The following MTUS1 variants were observed in gnomAD, a reference collection of about 807,000 sequenced individuals.
MTUS1 encodes the protein microtubule associated scaffold protein 1, also known as microtubule-associated tumor suppressor 1.
Under a neutral mutation model 120.8 loss-of-function variants are expected in MTUS1, and 109 were observed. The observed-to-expected ratio is 0.90, with a 90% CI of 0.77 to 1.06. The LOEUF (loss-of-function observed/expected upper bound fraction) is 1.06, where lower values mean the gene tolerates loss of function less well. Among genes scored for constraint, MTUS1 ranks in the 50% least tolerant of loss-of-function variants. The pLI, the probability that MTUS1 is intolerant of heterozygous loss-of-function variation, is 0.00. For synonymous variants in MTUS1, 737 were observed against 550.5 expected (o/e 1.34, Z -4.74); for missense variants, 2,210 against 1,486.3 (o/e 1.49, Z -8.01).
At chr8:17,762,054 C>T (rs988960811) in intron 1 of MTUS1, among the ~76,000 whole-genome samples, 3 of 152,034 alleles carry the variant, frequency 2.0e-5, no homozygotes, top group African/African-American at 2.4e-5. Flanking sequence ...CCGAGGTGGG[C>T]GGATCACTTG....
intron 3 of MTUS1, among the ~76,000 whole-genome samples, chr8:17,734,781 A>G (rs1195333269): frequency 1.3e-5 from 2 of 152,228 alleles, no homozygotes; most frequent in Non-Finnish European, 2.9e-5. Context: ...ACCTATGCTA[A>G]TAATGCCTGA....
chr8:17,789,828 T>C (rs1438628339), intron 1 of MTUS1, among the ~76,000 whole-genome samples: 2 of 152,166 alleles, frequency 1.3e-5, no homozygotes, highest in Non-Finnish European at 2.9e-5. Flanking sequence ...TATATATTCC[T>C]TAGAAGACAA....
chr8:17,713,166 C>G (rs767083875), intron 6 of MTUS1, 48 bp downstream of exon 6: 3 of 1,428,312 alleles, frequency 2.1e-6, no homozygotes, highest in Admixed American at 1.8e-5. Flanking sequence ...AGTAACATAA[C>G]TTTACAAAAA....
chr8:17,651,017 A>C (rs750352239), intron 12 of MTUS1, among the ~76,000 whole-genome samples: 11 of 152,210 alleles, frequency 7.2e-5, no homozygotes, highest in Non-Finnish European at 1.3e-4. Flanking sequence ...ACTTAATCCA[A>C]ACCCCTTACT....
intron 3 of MTUS1, among the ~76,000 whole-genome samples, chr8:17,735,615 C>G (rs1305477211): frequency 6.6e-6 from 1 of 152,238 alleles, no homozygotes; most frequent in African/African-American, 2.4e-5. Context: ...GCCTCCTCTG[C>G]TGGCAAGCTC....
intron 1 of MTUS1, among the ~76,000 whole-genome samples, chr8:17,760,158 G>A (rs1311603740): frequency 1.3e-5 from 2 of 151,090 alleles, no homozygotes; most frequent in African/African-American, 4.9e-5. Flanking sequence ...CACAGCTGCA[G>A]TAAGCTATGA....
At chr8:17,760,949 G>T (rs1286900576) in intron 1 of MTUS1, among the ~76,000 whole-genome samples, 1 of 151,970 alleles carries the variant, frequency 6.6e-6, no homozygotes, top group East Asian at 1.9e-4. Context: ...TAACACTTGT[G>T]TAACACTCCA....
At chr8:17,726,106 C>T (rs1485054664) in intron 3 of MTUS1, among the ~76,000 whole-genome samples, 2 of 152,106 alleles carry the variant, frequency 1.3e-5, no homozygotes, top group African/African-American at 2.4e-5. Context: ...TCCTTTCTAT[C>T]CCCTCCCCTA....
intron 6 of MTUS1, among the ~76,000 whole-genome samples, chr8:17,690,939 A>G (rs1816821567): frequency 6.6e-6 from 1 of 152,218 alleles, no homozygotes; most frequent in South Asian, 2.1e-4. Flanking sequence ...TGCATATACT[A>G]TTAATAAAAT....
intron 1 of MTUS1, among the ~76,000 whole-genome samples, chr8:17,792,398 A>G (rs931233394): frequency 1.3e-5 from 2 of 152,364 alleles, no homozygotes; most frequent in Non-Finnish European, 2.9e-5. Flanking sequence ...TGTAACCAGA[A>G]CTTTCCAACA....
At chr8:17,775,982 A>C (rs929325299) in intron 1 of MTUS1, among the ~76,000 whole-genome samples, 4 of 152,194 alleles carry the variant, frequency 2.6e-5, no homozygotes, top group African/African-American at 9.7e-5. Flanking sequence ...AGAATGACAC[A>C]ACTACCTCTT....
intron 1 of MTUS1, among the ~76,000 whole-genome samples, chr8:17,769,059 T>C (rs927590870): frequency 1.3e-5 from 2 of 151,990 alleles, no homozygotes; most frequent in Admixed American, 6.6e-5. Flanking sequence ...AGCCTCTGCT[T>C]GGGGGTGGAG....
At chr8:17,768,925 TTTTG>T (rs1175612045) in intron 1 of MTUS1, among the ~76,000 whole-genome samples, 1 of 152,118 alleles carries the variant, frequency 6.6e-6, no homozygotes, top group African/African-American at 2.4e-5. Flanking sequence ...TTCGGGGGAT[TTTTG>T]TTTTTGTTTT....
intron 7 of MTUS1, among the ~76,000 whole-genome samples, chr8:17,680,596 G>C (rs1814232322): frequency 6.6e-6 from 1 of 151,800 alleles, no homozygotes. Context: ...AATTGTCTGG[G>C]AAATTCACTA....
chr8:17,652,890 A>AT (rs147719813), intron 12 of MTUS1, among the ~76,000 whole-genome samples: 6,118 of 149,620 alleles, frequency 0.041, 384 homozygotes, highest in African/African-American at 0.14. Flanking sequence ...CAATACAGTG[A>AT]TTTTTTTTTT....
At chr8:17,748,196 T>C (rs2047916195) in intron 2 of MTUS1, 2 of 152,216 alleles carry the variant, frequency 1.3e-5, no homozygotes, top group Non-Finnish European at 2.9e-5. Flanking sequence ...TGGTTAGTAC[T>C]TGGATGGCAG....
In MTUS1 at chr8:17,715,892, G is replaced by T. The variant is rs145424049; in HGVS notation, c.2459C>A (p.Ala820Asp). 2.3e-4 allele frequency: 372 copies of T among 1,610,692 alleles called. 1 individual carries two copies. The African/African-American group carries it at 4.3e-3, about 19-fold the overall frequency. The change falls in exon 5 of 15, where the codon GCC becomes GAC. Residue 820 changes from alanine to aspartate, a missense_variant. Physicochemically the swap from Ala to Asp is moderately radical, Grantham distance 126. Transcript: ENST00000693296. ...LSTYSNNSGN[A>D]AVIKYEEKPP... ...TTTCTCCTCATATTTGATGACAGCGGCATTACCAGCTGTAATAAAACAGAA... is the reference window on the plus strand; with the variant it reads ...TTTCTCCTCATATTTGATGACAGCGTCATTACCAGCTGTAATAAAACAGAA...
intron 1 of MTUS1, chr8:17,800,467 T>A (rs1032702869): frequency 6.6e-6 from 1 of 152,118 alleles, no homozygotes; most frequent in Non-Finnish European, 1.5e-5. Flanking sequence ...TCCTTCCTAG[T>A]CCCAAATTAC....
chr8:17,709,963 T>C (rs527730643), intron 6 of MTUS1, among the ~76,000 whole-genome samples: 10 of 150,848 alleles, frequency 6.6e-5, no homozygotes, highest in Middle Eastern at 3.4e-3. Context: ...GCAGAGATCA[T>C]GCCACTGCAC....
Sources: gnomAD v4.1 joint callset for allele counts (sites outside exome capture counted in the v4.1 genomes callset) on GRCh38, gnomAD v4.1.1 for gene constraint, MANE v1.5 for transcripts, NCBI Gene and HGNC (gene_info 2026-07-23, HGNC 2026-07-21) for gene names.